SCFD2: variants seen among roughly 807,000 people sequenced by gnomAD.
SCFD2 encodes the protein sec1 family domain containing 2.
Under a neutral mutation model 58.9 loss-of-function variants are expected in SCFD2, and 54 were observed. The ratio of observed to expected loss-of-function variants is 0.92; its 90% confidence interval spans 0.74 to 1.15. SCFD2 has a LOEUF of 1.15. Among genes scored for constraint, SCFD2 ranks in the 50% most tolerant of loss-of-function variants. The pLI, the probability that SCFD2 is intolerant of heterozygous loss-of-function variation, is 0.00. For missense variants in SCFD2, 805 were observed against 836.6 expected, an observed-to-expected ratio of 0.96 and a Z score of 0.47; for synonymous variants, 321 against 335.9, an observed-to-expected ratio of 0.96 and a Z score of 0.49.
intron 4 of SCFD2, among the ~76,000 whole-genome samples, chr4:53,210,988 T>C (rs1022419980): frequency 2.0e-5 from 3 of 152,020 alleles, no homozygotes; most frequent in Non-Finnish European, 2.9e-5. Context: ...CTTACTCCTG[T>C]AATCCCAGCA....
At chr4:52,999,289 G>A (rs1033841780) in intron 5 of SCFD2, among the ~76,000 whole-genome samples, 5 of 152,166 alleles carry the variant, frequency 3.3e-5, no homozygotes, top group African/African-American at 1.2e-4. Context: ...TCCAATACCA[G>A]TGTGAATGAC....
At chr4:52,962,522 TAAG>T (rs1035424666) in intron 5 of SCFD2, among the ~76,000 whole-genome samples, 5 of 152,220 alleles carry the variant, frequency 3.3e-5, no homozygotes, top group Admixed American at 6.5e-5. Flanking sequence ...GTAGCACATT[TAAG>T]AAGAAGCATA....
At chr4:53,140,603 A>G (rs574155014) in intron 5 of SCFD2, among the ~76,000 whole-genome samples, 132 of 152,020 alleles carry the variant, frequency 8.7e-4, no homozygotes, top group African/African-American at 3.0e-3. Context: ...GGCAGGATCT[A>G]TAAGTAGCTA....
intron 4 of SCFD2, among the ~76,000 whole-genome samples, chr4:53,181,556 A>T (rs1246034141): frequency 6.6e-6 from 1 of 152,204 alleles, no homozygotes; most frequent in East Asian, 1.9e-4. Flanking sequence ...ATCATACTGA[A>T]TGGGCAAAAA....
chr4:53,009,527 C>T (rs1438804961), intron 5 of SCFD2, among the ~76,000 whole-genome samples: 2 of 152,134 alleles, frequency 1.3e-5, no homozygotes, highest in Non-Finnish European at 1.5e-5. Context: ...ACAGATGTGC[C>T]GCTGAACATA....
chr4:53,029,064 T>A (rs1722551564), intron 5 of SCFD2, among the ~76,000 whole-genome samples: 1 of 152,244 alleles, frequency 6.6e-6, no homozygotes, highest in Non-Finnish European at 1.5e-5. Flanking sequence ...AAGCTTTTAG[T>A]AACAAAAATA....
chr4:53,337,727 A>G (rs751917609), intron 2 of SCFD2, among the ~76,000 whole-genome samples: 4 of 152,216 alleles, frequency 2.6e-5, no homozygotes, highest in Non-Finnish European at 5.9e-5. Flanking sequence ...ACAAAATACT[A>G]CTATGTAGCA....
At chr4:53,222,825 C>A (rs1729087740) in intron 4 of SCFD2, among the ~76,000 whole-genome samples, 1 of 152,198 alleles carries the variant, frequency 6.6e-6, no homozygotes, top group African/African-American at 2.4e-5. Context: ...TATCTGGTTA[C>A]TGTTATCTTT....
intron 4 of SCFD2, among the ~76,000 whole-genome samples, chr4:53,181,335 G>T (rs1042185377): frequency 6.6e-6 from 1 of 152,194 alleles, no homozygotes; most frequent in African/African-American, 2.4e-5. Flanking sequence ...TCCCTGGGAT[G>T]CAAGGCTGGT....
At chr4:53,293,369 T>C (rs997046071) in intron 3 of SCFD2, among the ~76,000 whole-genome samples, 18 of 151,990 alleles carry the variant, frequency 1.2e-4, no homozygotes, top group African/African-American at 4.3e-4. Flanking sequence ...GCATAATACC[T>C]AAGTGATAGG....
chr4:53,185,145 G>T (rs73143501), intron 4 of SCFD2, among the ~76,000 whole-genome samples: 1 of 152,062 alleles, frequency 6.6e-6, no homozygotes, highest in Non-Finnish European at 1.5e-5. Context: ...GAGAAATATA[G>T]AGAGTAACAA....
At chr4:53,004,545 A>G (rs905109340) in intron 5 of SCFD2, among the ~76,000 whole-genome samples, 1 of 152,216 alleles carries the variant, frequency 6.6e-6, no homozygotes, top group Admixed American at 6.5e-5. Context: ...TTGACAGAGG[A>G]AGGAACTAAG....
rs757825852 is a variant in SCFD2, at chr4:53,365,540, C to T, written c.402G>A (p.Glu134=). 1.9e-6 allele frequency: 3 copies of T among 1,614,228 alleles called. No individual in the cohort carries two copies. Among genetic ancestry groups the T allele is most frequent in the Admixed American group, 1.7e-5 (1 of 60,028 alleles). The stretch of plus-strand genomic sequence containing the variant: ...ATTCACACAGCTTCTCCTCCAGCTG[C>T]TCGAACACCGGCTGCTGCCCCTCCA... ...AEMEGQQPVF[E]QLEEKLCEWM... is the part of the protein sequence containing the mutation. Residue 134 remains glutamate, a synonymous_variant, in exon 1 of 9, where the codon GAG becomes GAA. Transcript: ENST00000401642. This position sits in a 1 kb window ranked among gnomAD's most constrained non-coding sequence, Gnocchi z 4.3.
chr4:53,017,443 T>C lies in SCFD2; in HGVS notation c.1562-96573A>G, dbSNP rs1291437827. ...ATCTGTTTTATATCTGTAGTAAAGA[T>C]GACAGATGAAATAGTAGGTGCAATA... is the stretch of plus-strand genomic sequence containing the variant. On this transcript the variant is annotated intron_variant, in intron 5 of 8. Transcript: ENST00000401642. Among the ~76,000 whole-genome samples the C allele has an allele frequency of 3.3e-5, 5 of 152,308 alleles. No individual in the cohort carries two copies. The East Asian group carries it at 7.7e-4, about 23-fold the overall frequency.
At chr4:53,097,692 T>C (rs1343152231) in intron 5 of SCFD2, among the ~76,000 whole-genome samples, 10 of 152,182 alleles carry the variant, frequency 6.6e-5, no homozygotes, top group Non-Finnish European at 1.0e-4. Flanking sequence ...CTATTCCTAA[T>C]TGAATACACT....
intron 1 of SCFD2, among the ~76,000 whole-genome samples, chr4:53,353,148 C>T (rs780546961): frequency 1.3e-5 from 2 of 152,192 alleles, no homozygotes; most frequent in African/African-American, 4.8e-5. Flanking sequence ...GATGTTCGGA[C>T]ATGTTCAGAG....
At chr4:52,909,257 A>T (rs1719427146) in intron 6 of SCFD2, among the ~76,000 whole-genome samples, 1 of 152,174 alleles carries the variant, frequency 6.6e-6, no homozygotes, top group Non-Finnish European at 1.5e-5. Flanking sequence ...AAGGCTGTTT[A>T]TTGTTTGTAG....
chr4:52,976,379 C>T (rs915189261), intron 5 of SCFD2, among the ~76,000 whole-genome samples: 1 of 152,106 alleles, frequency 6.6e-6, no homozygotes, highest in Admixed American at 6.5e-5. Context: ...CAGAGTGAAG[C>T]AGAAAATTAT....
intron 5 of SCFD2, among the ~76,000 whole-genome samples, chr4:53,103,871 A>G (rs534072197): frequency 3.0e-4 from 44 of 146,332 alleles, no homozygotes; most frequent in African/African-American, 1.1e-3. Context: ...AGAGCTCCCA[A>G]TGGCCAAAGC....
Sources: gnomAD v4.1 joint callset for allele counts (sites outside exome capture counted in the v4.1 genomes callset) on GRCh38, gnomAD v4.1.1 for gene constraint, Gnocchi (gnomAD v3.1) non-coding constraint, MANE v1.5 for transcripts, NCBI Gene and HGNC (gene_info 2026-07-23, HGNC 2026-07-21) for gene names.